Variants in ZBTB1 observed in about 807,000 individuals in gnomAD.
The protein encoded by ZBTB1 is zinc finger and BTB domain containing 1.
A neutral mutation model predicts 51.6 loss-of-function variants in ZBTB1; 13 were observed. The ratio of observed to expected loss-of-function variants is 0.25; its 90% CI spans 0.16 to 0.40. The LOEUF (loss-of-function observed/expected upper bound fraction) is 0.40. ZBTB1 is among the 10% of genes least tolerant of loss of function. The probability of loss-of-function intolerance (pLI) is 1.00; values close to 1 mark genes in which losing one functional copy is unlikely to be tolerated. For synonymous variants in ZBTB1, 240 were observed against 282.2 expected (o/e 0.85, Z 1.50); for missense variants, 567 against 856.5 (o/e 0.66, Z 4.22).
intron 1 of ZBTB1, 168 bp downstream of exon 1, chr14:64,505,114 GC>G: frequency 2.9e-6 from 1 of 347,916 alleles, no homozygotes. Flanking sequence ...CTGCCAGGCC[GC>G]CTGCTTGTTG....
intron 1 of ZBTB1, among the ~76,000 whole-genome samples, chr14:64,508,315 G>T (rs1411776055): frequency 6.6e-6 from 1 of 151,752 alleles, no homozygotes; most frequent in Non-Finnish European, 1.5e-5. Flanking sequence ...TTTTAGAGAT[G>T]AGTTCCATCC....
intron 2 of ZBTB1, among the ~76,000 whole-genome samples, chr14:64,530,877 T>A (rs992382351): frequency 6.6e-6 from 1 of 152,086 alleles, no homozygotes; most frequent in African/African-American, 2.4e-5. Context: ...AGATTACAAT[T>A]AAATACTTGG....
chr14:64,507,016 A>G (rs1371659840), intron 1 of ZBTB1, among the ~76,000 whole-genome samples: 2 of 152,172 alleles, frequency 1.3e-5, no homozygotes, highest in Non-Finnish European at 2.9e-5. Context: ...TTTTCTTTGT[A>G]GCATCATTTC....
At chr14:64,505,292 C>T (rs2079631590) in intron 1 of ZBTB1, 1 of 174,158 alleles carries the variant, frequency 5.7e-6, no homozygotes, top group East Asian at 1.5e-4. Flanking sequence ...GGTTGATTGA[C>T]GTGCCTAGAG....
intron 1 of ZBTB1, chr14:64,511,328 GGA>G (rs76843885): frequency 0.17 from 26,332 of 152,154 alleles, 2,587 homozygotes; most frequent in Non-Finnish European, 0.22. Context: ...CTCTGCTTCT[GGA>G]GAGGGAGAGA....
exon 3 of ZBTB1, chr14:64,533,040 T>G (rs533847153): frequency 6.6e-6 from 1 of 152,132 alleles, no homozygotes; most frequent in Non-Finnish European, 1.5e-5. Context: ...TTTATTCCAA[T>G]GTTTTAACAA....
At chr14:64,525,098 A>G (rs749562632), downstream of ZBTB1, 22 of 295,942 alleles carry the variant, frequency 7.4e-5, no homozygotes, top group Admixed American at 3.9e-4. Context: ...TAAAATATGC[A>G]AATCATATTT....
downstream of ZBTB1, among the ~76,000 whole-genome samples, chr14:64,528,735 T>A (rs1019835804): frequency 2.6e-5 from 4 of 152,230 alleles, no homozygotes; most frequent in African/African-American, 9.6e-5. Context: ...CTCTCTATAC[T>A]CTGCAAAGTG....
chr14:64,514,966 C>A (rs778557965), intron 1 of ZBTB1, among the ~76,000 whole-genome samples: 70 of 152,184 alleles, frequency 4.6e-4, no homozygotes, highest in Non-Finnish European at 1.3e-4. Flanking sequence ...TAGATTAGAT[C>A]TCTCTAAGCT....
intron 1 of ZBTB1, among the ~76,000 whole-genome samples, chr14:64,509,054 C>T (rs999623652): frequency 2.0e-5 from 3 of 152,156 alleles, no homozygotes. Flanking sequence ...GAGGCATCTG[C>T]CTCACCCTAA....
intron 1 of ZBTB1, among the ~76,000 whole-genome samples, chr14:64,517,284 A>G (rs965935843): frequency 6.6e-6 from 1 of 152,174 alleles, no homozygotes; most frequent in Non-Finnish European, 1.5e-5. Flanking sequence ...CAATGAGGAT[A>G]AGCAAGTTCC....
At chr14:64,509,226 TG>T (rs2079697616) in intron 1 of ZBTB1, among the ~76,000 whole-genome samples, 1 of 152,154 alleles carries the variant, frequency 6.6e-6, no homozygotes, top group Non-Finnish European at 1.5e-5. Flanking sequence ...AAAAGTTAGC[TG>T]GGCGTGGTGC....
chr14:64,516,112 G>T (rs1167274502), intron 1 of ZBTB1, among the ~76,000 whole-genome samples: 2 of 152,260 alleles, frequency 1.3e-5, no homozygotes, highest in East Asian at 3.9e-4. Flanking sequence ...GCGTATGCCT[G>T]TAGTGCTAGC....
downstream of ZBTB1, among the ~76,000 whole-genome samples, chr14:64,528,669 T>C (rs1015673029): frequency 6.6e-6 from 1 of 152,230 alleles, no homozygotes; most frequent in African/African-American, 2.4e-5. Flanking sequence ...TGGAAACCCA[T>C]GATCCATCCA....
At chr14:64,519,881 A>C (rs1451217563) in intron 1 of ZBTB1, among the ~76,000 whole-genome samples, 1 of 152,188 alleles carries the variant, frequency 6.6e-6, no homozygotes, top group Non-Finnish European at 1.5e-5. Flanking sequence ...GTTGAGCAAC[A>C]TGAGACACAT....
At chr14:64,510,300 G>A (rs985617479) in intron 1 of ZBTB1, among the ~76,000 whole-genome samples, 2 of 152,300 alleles carry the variant, frequency 1.3e-5, no homozygotes, top group African/African-American at 4.8e-5. Flanking sequence ...ACCTTCTCAA[G>A]GTCACACACT....
chr14:64,506,537 A>AAAACAAACAAC (rs1566628928), intron 1 of ZBTB1, among the ~76,000 whole-genome samples: 1 of 152,210 alleles, frequency 6.6e-6, no homozygotes, highest in Non-Finnish European at 1.5e-5. Context: ...CTGTCTCAAA[A>AAAACAAACAAC]AAACAAACAA....
chr14:64,524,420 CAT>C lies in ZBTB1; in HGVS notation c.*777_*778del, dbSNP rs1441286047. The C allele has an allele frequency of 2.1e-5, 16 of 778,044 alleles. No individual in the cohort carries two copies. Among genetic ancestry groups the C allele is most frequent in the Non-Finnish European group, 2.3e-5 (15 of 641,276 alleles). 48.2% of individuals were successfully genotyped at this position (778,044 alleles called of 1,614,324 possible). A position where few individuals can be genotyped will look rare whatever the true frequency, so the allele number is the denominator to read the frequency against. On this transcript the variant is annotated 3_prime_UTR_variant, in exon 2 of 2. Transcript: ENST00000683701. Reference sequence around the variant, plus strand: ...TAACTATGATAGTTAATTAAAAAGACATATCTTGTATTCATTAAAAATATTTT... The same window carrying C: ...TAACTATGATAGTTAATTAAAAAGACATCTTGTATTCATTAAAAATATTTT...
chr14:64,511,694 A>G (rs1303486238), intron 1 of ZBTB1, among the ~76,000 whole-genome samples: 10 of 152,230 alleles, frequency 6.6e-5, no homozygotes, highest in Non-Finnish European at 1.3e-4. Context: ...AGATCAGCAC[A>G]CCTTTCAGAA....
Sources: gnomAD v4.1 joint callset for allele counts (sites outside exome capture counted in the v4.1 genomes callset) on GRCh38, gnomAD v4.1.1 for gene constraint, MANE v1.5 for transcripts, NCBI Gene and HGNC (gene_info 2026-07-23, HGNC 2026-07-21) for gene names.